The following CAMKMT variants were observed in gnomAD, a reference collection of about 807,000 sequenced individuals.
The protein encoded by CAMKMT is calmodulin-lysine N-methyltransferase.
Under a neutral mutation model 48.0 loss-of-function variants are expected in CAMKMT, and 53 were observed. The ratio of observed to expected loss-of-function variants is 1.10; its 90% CI spans 0.89 to 1.39. The LOEUF (loss-of-function observed/expected upper bound fraction) is 1.39, where lower values mean the gene tolerates loss of function less well. CAMKMT is among the 40% of genes most tolerant of loss of function. The probability of loss-of-function intolerance (pLI) is 0.00; values close to 1 mark genes in which losing one functional copy is unlikely to be tolerated. For synonymous variants in CAMKMT, 165 were observed against 152.3 expected, an observed-to-expected ratio of 1.08 and a Z score of -0.61; for missense variants, 428 against 402.7, an observed-to-expected ratio of 1.06 and a Z score of -0.54.
intron 3 of CAMKMT, among the ~76,000 whole-genome samples, chr2:44,463,553 G>T (rs1423172343): frequency 6.6e-6 from 1 of 152,150 alleles, no homozygotes; most frequent in Admixed American, 6.5e-5. Flanking sequence ...TGGGAGTTGG[G>T]CTGCCCAGAA....
intron 3 of CAMKMT, among the ~76,000 whole-genome samples, chr2:44,648,152 A>G (rs1030973601): frequency 2.0e-5 from 3 of 152,060 alleles, no homozygotes; most frequent in Admixed American, 6.6e-5. Flanking sequence ...GTTGTAGAAC[A>G]TTATGTATAG....
At chr2:44,494,539 C>G (rs1469312596) in intron 3 of CAMKMT, among the ~76,000 whole-genome samples, 1 of 152,116 alleles carries the variant, frequency 6.6e-6, no homozygotes, top group Non-Finnish European at 1.5e-5. Flanking sequence ...ACATAAAACA[C>G]TAGGACATAA....
Position 44,552,993 on chromosome 2 carries a change from T to C in CAMKMT, c.377-151290T>C, listed in dbSNP as rs1667803784. Among the ~76,000 whole-genome samples the C allele has an allele frequency of 2.0e-5, 3 of 152,182 alleles. No homozygotes were observed. In the South Asian group the frequency reaches 6.2e-4, roughly 32 times the overall value. On this transcript the variant is annotated intron_variant, in intron 3 of 10. Coordinates refer to ENST00000378494, the MANE Select transcript of CAMKMT (RefSeq NM_024766.5). ...AAACTAAGAGGGTGCTGTGAAAGTA[T>C]ACATAAGGCGAAAGGAGGCTTAGCC...
At chr2:44,722,092 T>C (rs1224092644) in intron 7 of CAMKMT, among the ~76,000 whole-genome samples, 1 of 152,220 alleles carries the variant, frequency 6.6e-6, no homozygotes, top group Non-Finnish European at 1.5e-5. Context: ...TTGTCATTTT[T>C]GGTACTATTC....
intron 7 of CAMKMT, among the ~76,000 whole-genome samples, chr2:44,737,480 A>G (rs1318156895): frequency 6.6e-6 from 1 of 152,204 alleles, no homozygotes; most frequent in Non-Finnish European, 1.5e-5. Flanking sequence ...GAACCAGAGC[A>G]GCATTTAGTC....
At chr2:44,572,935 G>A (rs1489571558) in intron 3 of CAMKMT, among the ~76,000 whole-genome samples, 1 of 152,156 alleles carries the variant, frequency 6.6e-6, no homozygotes, top group Non-Finnish European at 1.5e-5. Context: ...ATCTCTTGTG[G>A]TTTTTGATTT....
intron 3 of CAMKMT, among the ~76,000 whole-genome samples, chr2:44,645,067 G>A (rs1673658982): frequency 6.6e-6 from 1 of 152,164 alleles, no homozygotes; most frequent in Non-Finnish European, 1.5e-5. Flanking sequence ...TACAATCCCA[G>A]CATCACATTG....
chr2:44,705,309 C>T, intron 4 of CAMKMT: 2 of 982,762 alleles, frequency 2.0e-6, no homozygotes, highest in Non-Finnish European at 2.4e-6. Context: ...CTTTTTTTCT[C>T]CTCTTGAGGT....
intron 1 of CAMKMT, among the ~76,000 whole-genome samples, chr2:44,368,532 G>A (rs1237449380): frequency 1.3e-5 from 2 of 152,116 alleles, no homozygotes; most frequent in Non-Finnish European, 2.9e-5. Context: ...AGATCACGTT[G>A]TCATACTGTA....
intron 3 of CAMKMT, among the ~76,000 whole-genome samples, chr2:44,458,749 C>A (rs1248378033): frequency 1.3e-5 from 2 of 152,038 alleles, no homozygotes; most frequent in Non-Finnish European, 2.9e-5. Flanking sequence ...TGAGAGAAAT[C>A]GATAAAAGGC....
intron 3 of CAMKMT, among the ~76,000 whole-genome samples, chr2:44,510,754 C>G (rs1328801096): frequency 1.3e-5 from 2 of 152,120 alleles, no homozygotes; most frequent in African/African-American, 2.4e-5. Context: ...GCACCCATCA[C>G]CTGAACGGTA....
At chr2:44,621,961 G>A (rs541224608) in intron 3 of CAMKMT, among the ~76,000 whole-genome samples, 2 of 152,278 alleles carry the variant, frequency 1.3e-5, no homozygotes, top group African/African-American at 4.8e-5. Flanking sequence ...AATTCAAGAT[G>A]TAATTTGGAG....
chr2:44,503,010 A>G (rs1670081327), intron 3 of CAMKMT, among the ~76,000 whole-genome samples: 1 of 152,102 alleles, frequency 6.6e-6, no homozygotes. Flanking sequence ...AGCATATATT[A>G]TAGCCAAGTG....
At chr2:44,583,000 A>G (rs6708061) in intron 3 of CAMKMT, among the ~76,000 whole-genome samples, 96,937 of 151,896 alleles carry the variant, frequency 0.64, 31,390 homozygotes, top group Admixed American at 0.71. Flanking sequence ...TCTTTTTTGG[A>G]AATTCGAATT....
intron 3 of CAMKMT, chr2:44,392,184 A>G (rs1681408378): frequency 6.6e-6 from 1 of 152,136 alleles, no homozygotes. Context: ...AGGGCAGAAA[A>G]ATTAGATAAA....
At chr2:44,670,545 A>G (rs962813473) in intron 3 of CAMKMT, among the ~76,000 whole-genome samples, 1 of 152,136 alleles carries the variant, frequency 6.6e-6, no homozygotes, top group Non-Finnish European at 1.5e-5. Context: ...CTAGCCACTC[A>G]GGAGGCTGAG....
chr2:44,375,674 A>G (rs1207193905), intron 2 of CAMKMT, among the ~76,000 whole-genome samples: 1 of 152,200 alleles, frequency 6.6e-6, no homozygotes, highest in Non-Finnish European at 1.5e-5. Flanking sequence ...ACACAGGGTA[A>G]GAAAGAGCAA....
intron 3 of CAMKMT, among the ~76,000 whole-genome samples, chr2:44,542,945 TC>T (rs1303345339): frequency 6.6e-6 from 1 of 152,194 alleles, no homozygotes. Context: ...CCCTTCATCC[TC>T]CATTCCTCAC....
At chr2:44,533,845 T>A (rs972635676) in intron 3 of CAMKMT, among the ~76,000 whole-genome samples, 3 of 151,990 alleles carry the variant, frequency 2.0e-5, no homozygotes, top group African/African-American at 7.3e-5. Flanking sequence ...TATAAAACAT[T>A]CAGAACACAA....
Sources: allele counts gnomAD v4.1 joint callset (sites outside exome capture counted in the v4.1 genomes callset), GRCh38; gene constraint gnomAD v4.1.1; transcripts MANE v1.5; gene names NCBI Gene and HGNC (gene_info 2026-07-23, HGNC 2026-07-21).